RNF220: variants seen among roughly 807,000 people sequenced by gnomAD.
The protein encoded by RNF220 is ring finger protein 220.
A neutral mutation model predicts 67.1 loss-of-function variants in RNF220; 7 were observed. The ratio of observed to expected loss-of-function variants is 0.10; its 90% CI spans 0.06 to 0.20. RNF220 has a LOEUF of 0.20. Ranked by LOEUF, RNF220 falls within the 10% of genes least tolerant of loss-of-function variation. The pLI is 1.00. For synonymous variants in RNF220, 270 were observed against 283.2 expected, an observed-to-expected ratio of 0.95 and a Z score of 0.47; for missense variants, 565 against 740.3, an observed-to-expected ratio of 0.76 and a Z score of 2.75.
intron 2 of RNF220, among the ~76,000 whole-genome samples, chr1:44,510,634 C>T (rs1178944031): frequency 1.3e-5 from 2 of 152,140 alleles, no homozygotes; most frequent in East Asian, 1.9e-4. Context: ...TTTTGTCTTC[C>T]GGTTACACTT....
Position 44,650,518 on chromosome 1 carries a change from G to A in RNF220, c.1630-186G>A. 1.6e-6 allele frequency: 1 copy of A among 618,624 alleles called. No homozygotes were observed. Among genetic ancestry groups the A allele is most frequent in the Non-Finnish European group, 2.9e-6 (1 of 347,762 alleles). 38.3% of individuals were successfully genotyped at this position (618,624 alleles called of 1,614,324 possible). On this transcript the variant is annotated intron_variant, in intron 14 of 14. Coordinates refer to ENST00000361799, the MANE Select transcript of RNF220 (RefSeq NM_018150.4). The surrounding 1 kb of genome is among the most constrained non-coding windows in gnomAD (Gnocchi z 4.3). ...GGGCTGGCCAGGCGGTTTGATCCTG[G>A]CGTCCCCCCAACACAGGAGCGTGCC...
chr1:44,448,056 T>C lies in RNF220; in HGVS notation c.625+35334T>C, dbSNP rs111451455. Among the ~76,000 whole-genome samples, 13 of 152,310 alleles carry C rather than the reference T, an allele frequency of 8.5e-5. 1 individual carries two copies. The highest frequency in any genetic ancestry group is 3.1e-4 in the African/African-American group (13 of 41,574). ...TGTCACGCCTGTAATCCCAGCACTT[T>C]GGGAGGCCAAGGTGGACGGGTCACT... On this transcript the variant is annotated intron_variant, in intron 2 of 14. Coordinates refer to ENST00000361799, the MANE Select transcript of RNF220 (RefSeq NM_018150.4).
In RNF220 at chr1:44,461,922, T is replaced by C. The variant is rs557125455; in HGVS notation, c.625+49200T>C. On this transcript the variant is annotated intron_variant, in intron 2 of 14. Transcript: ENST00000361799. Reference sequence around the variant, plus strand: ...CATATTTTTTTCTTTTCTTTTTTCTTTGTTTTTTTTTTTTTTTTTTTTTGA... The same window carrying C: ...CATATTTTTTTCTTTTCTTTTTTCTCTGTTTTTTTTTTTTTTTTTTTTTGA... Among the ~76,000 whole-genome samples the C allele has an allele frequency of 2.0e-3, 254 of 127,430 alleles. 1 individual carries two copies. The highest frequency in any genetic ancestry group is 7.7e-3 in the African/African-American group (243 of 31,706). 83.6% of individuals were successfully genotyped at this position (127,430 alleles called of 152,430 possible).
At chr1:44,515,993 T>C (rs1055579430) in intron 2 of RNF220, among the ~76,000 whole-genome samples, 1 of 152,232 alleles carries the variant, frequency 6.6e-6, no homozygotes. Flanking sequence ...GATGAGACGC[T>C]AAAACCTTCA....
chr1:44,638,632 A>C (rs1244698784), intron 8 of RNF220, among the ~76,000 whole-genome samples: 1 of 152,086 alleles, frequency 6.6e-6, no homozygotes, highest in Non-Finnish European at 1.5e-5. Context: ...GTTACCTCAA[A>C]TGTAATCTGC....
At chr1:44,486,086 A>C (rs1656273586) in intron 2 of RNF220, among the ~76,000 whole-genome samples, 1 of 151,960 alleles carries the variant, frequency 6.6e-6, no homozygotes, top group African/African-American at 2.4e-5. Flanking sequence ...TTTTCTCCCT[A>C]TTATTCAGCA....
chr1:44,583,579 A>C (rs531384127), intron 2 of RNF220, among the ~76,000 whole-genome samples: 2 of 152,262 alleles, frequency 1.3e-5, no homozygotes, highest in Admixed American at 6.5e-5. Context: ...AAATGTGGTC[A>C]TTACTGGATT....
chr1:44,535,105 G>A (rs35394709), intron 2 of RNF220, among the ~76,000 whole-genome samples: 13,824 of 148,376 alleles, frequency 0.093, 719 homozygotes, highest in Middle Eastern at 0.13. Context: ...TTCCTTCTGT[G>A]TGAGGAGGGG....
chr1:44,575,415 C>T (rs1664735597), intron 2 of RNF220, among the ~76,000 whole-genome samples: 1 of 152,132 alleles, frequency 6.6e-6, no homozygotes, highest in South Asian at 2.1e-4. Flanking sequence ...TTGGTGGGCA[C>T]TCAGGTTGAC....
chr1:44,424,214 AAGAG>A (rs369657298), intron 2 of RNF220, among the ~76,000 whole-genome samples: 1 of 151,908 alleles, frequency 6.6e-6, no homozygotes, highest in Non-Finnish European at 1.5e-5. Context: ...CTAGGATTTC[AAGAG>A]AGAGAGAGAG....
At chr1:44,522,168 C>T (rs145605302) in intron 2 of RNF220, among the ~76,000 whole-genome samples, 282 of 152,308 alleles carry the variant, frequency 1.9e-3, no homozygotes, top group African/African-American at 6.3e-3. Context: ...GTTTGCAAAA[C>T]ATTTCCATGT....
intron 2 of RNF220, among the ~76,000 whole-genome samples, chr1:44,488,652 A>G (rs1466075843): frequency 6.6e-6 from 1 of 151,876 alleles, no homozygotes; most frequent in African/African-American, 2.4e-5. Context: ...GTTTTACATC[A>G]TGACTCAGTA....
chr1:44,512,810 C>T (rs1429007998), intron 2 of RNF220, among the ~76,000 whole-genome samples: 17 of 152,090 alleles, frequency 1.1e-4, no homozygotes, highest in Non-Finnish European at 1.0e-4. Context: ...GGAAGAAGAG[C>T]GGCTGTCTCA....
intron 2 of RNF220, among the ~76,000 whole-genome samples, chr1:44,523,684 G>A (rs1049046168): frequency 1.3e-5 from 2 of 152,000 alleles, no homozygotes; most frequent in African/African-American, 4.8e-5. Flanking sequence ...TTCGCATGGT[G>A]TTAGGGAGAG....
intron 1 of RNF220, among the ~76,000 whole-genome samples, chr1:44,409,215 T>TA (rs1647722170): frequency 6.7e-6 from 1 of 150,018 alleles, no homozygotes; most frequent in Non-Finnish European, 1.5e-5. Flanking sequence ...CTCCCACAGA[T>TA]ACGGAACTGA....
chr1:44,538,841 G>A (rs1187008068), intron 2 of RNF220, among the ~76,000 whole-genome samples: 6 of 150,514 alleles, frequency 4.0e-5, no homozygotes, highest in Admixed American at 1.3e-4. Flanking sequence ...ACTTAAACCC[G>A]GGAGGTGGAG....
intron 2 of RNF220, among the ~76,000 whole-genome samples, chr1:44,549,159 C>T (rs1203920632): frequency 2.6e-5 from 4 of 152,162 alleles, no homozygotes; most frequent in African/African-American, 9.7e-5. Context: ...TGCACTCCAG[C>T]CTGGGCAACA....
chr1:44,457,078 T>C (rs1036083666), intron 2 of RNF220, among the ~76,000 whole-genome samples: 1 of 152,056 alleles, frequency 6.6e-6, no homozygotes, highest in Non-Finnish European at 1.5e-5. Context: ...CTTAGAGTTT[T>C]CCCAACCGTT....
intron 2 of RNF220, among the ~76,000 whole-genome samples, chr1:44,479,025 C>A (rs555820338): frequency 6.6e-6 from 1 of 152,202 alleles, no homozygotes; most frequent in South Asian, 2.1e-4. Context: ...ATTTGGGGCC[C>A]CAGAAATCTT....
Sources: gnomAD v4.1 joint callset for allele counts (sites outside exome capture counted in the v4.1 genomes callset) on GRCh38, gnomAD v4.1.1 for gene constraint, Gnocchi (gnomAD v3.1) non-coding constraint, MANE v1.5 for transcripts, NCBI Gene and HGNC (gene_info 2026-07-23, HGNC 2026-07-21) for gene names.